Variants in MAP2K6 observed in about 807,000 individuals in gnomAD.
MAP2K6 encodes dual specificity mitogen-activated protein kinase kinase 6.
Under a neutral mutation model 53.7 loss-of-function variants are expected in MAP2K6, and 16 were observed. The observed-to-expected ratio is 0.30, with a 90% CI of 0.20 to 0.45. The LOEUF (loss-of-function observed/expected upper bound fraction) is 0.45, where lower values mean the gene tolerates loss of function less well. Among genes scored for constraint, MAP2K6 ranks in the 20% least tolerant of loss-of-function variants. The pLI is 1.00. For synonymous variants in MAP2K6, 132 were observed against 143.1 expected, an observed-to-expected ratio of 0.92 and a Z score of 0.55; for missense variants, 204 against 411.9, an observed-to-expected ratio of 0.50 and a Z score of 4.37.
intron 1 of MAP2K6, among the ~76,000 whole-genome samples, chr17:69,464,345 A>C (rs1907726210): frequency 6.6e-6 from 1 of 151,786 alleles, no homozygotes; most frequent in Non-Finnish European, 1.5e-5. Flanking sequence ...CCTTATAAAC[A>C]CTCACTACTT....
intron 9 of MAP2K6, among the ~76,000 whole-genome samples, chr17:69,526,304 C>T (rs924728107): frequency 6.6e-6 from 1 of 152,128 alleles, no homozygotes; most frequent in African/African-American, 2.4e-5. Flanking sequence ...TTATGAAGTG[C>T]CACAGTGGGT....
intron 9 of MAP2K6, among the ~76,000 whole-genome samples, chr17:69,525,237 A>G (rs931738839): frequency 6.6e-6 from 1 of 152,174 alleles, no homozygotes; most frequent in African/African-American, 2.4e-5. Context: ...TTACAGTCAC[A>G]TGGACTATCT....
At chr17:69,493,647 G>T (rs551695220) in intron 1 of MAP2K6, among the ~76,000 whole-genome samples, 19 of 152,224 alleles carry the variant, frequency 1.2e-4, no homozygotes, top group Non-Finnish European at 2.4e-4. Context: ...TATAGTCCCA[G>T]CTACTTGGGA....
intron 1 of MAP2K6, among the ~76,000 whole-genome samples, chr17:69,449,668 A>G (rs1436523332): frequency 1.6e-5 from 2 of 121,468 alleles, no homozygotes; most frequent in African/African-American, 6.6e-5. Context: ...GCTAGAGTGC[A>G]GTGGCGCGAT....
At chr17:69,481,780 CTTAG>C (rs1368752534) in intron 1 of MAP2K6, among the ~76,000 whole-genome samples, 1 of 152,128 alleles carries the variant, frequency 6.6e-6, no homozygotes, top group Non-Finnish European at 1.5e-5. Flanking sequence ...CATATCTTAA[CTTAG>C]TTACCTCTTT....
chr17:69,529,432 C>G (rs1052086329), intron 10 of MAP2K6, among the ~76,000 whole-genome samples: 1 of 151,876 alleles, frequency 6.6e-6, no homozygotes, highest in East Asian at 1.9e-4. Flanking sequence ...GGAATTTTCT[C>G]CGAAGAATCA....
chr17:69,423,156 T>C (rs917833894), intron 1 of MAP2K6, among the ~76,000 whole-genome samples: 1 of 152,192 alleles, frequency 6.6e-6, no homozygotes, highest in Non-Finnish European at 1.5e-5. Context: ...GTGCTGGGAT[T>C]ACAGGCGTGA....
intron 1 of MAP2K6, among the ~76,000 whole-genome samples, chr17:69,497,018 A>G (rs746237742): frequency 6.6e-6 from 1 of 152,188 alleles, no homozygotes; most frequent in Admixed American, 6.5e-5. Flanking sequence ...TACTACTACT[A>G]TGCTTCTGTT....
At chr17:69,522,615 A>C (rs1910536687) in intron 7 of MAP2K6, among the ~76,000 whole-genome samples, 1 of 152,196 alleles carries the variant, frequency 6.6e-6, no homozygotes, top group Admixed American at 6.5e-5. Flanking sequence ...GGGTGGGTTA[A>C]ATTTTTCTAG....
chr17:69,521,499 T>C lies in MAP2K6; in HGVS notation c.535+399T>C, dbSNP rs61758053. On this transcript the variant is annotated intron_variant, in intron 7 of 11. Coordinates refer to ENST00000590474, the MANE Select transcript of MAP2K6 (RefSeq NM_002758.4). ...GCATTTTAACAAGATTTCCGGGTGATTCTTGTGCACATGAAAGTGTGAAAA... is the reference window on the plus strand; with the variant it reads ...GCATTTTAACAAGATTTCCGGGTGACTCTTGTGCACATGAAAGTGTGAAAA... 1.7e-3 allele frequency: 274 copies of C among 163,464 alleles called. 3 individuals are homozygous for C. The highest frequency in any genetic ancestry group is 6.2e-3 in the African/African-American group (261 of 42,042). The allele number at this position is 163,464 out of a possible 1,614,324, so 10.1% of individuals were successfully genotyped here. A position where few individuals can be genotyped will look rare whatever the true frequency, so the allele number is the denominator to read the frequency against.
In MAP2K6 at chr17:69,546,707, T is replaced by A. The variant is rs1031403711; in HGVS notation, c.*4954T>A. 3.9e-5 allele frequency: 6 copies of A among 152,194 alleles called. No individual in the cohort carries two copies. Among genetic ancestry groups the A allele is most frequent in the African/African-American group, 1.4e-4 (6 of 41,446 alleles). The allele number at this position is 152,194 out of a possible 1,614,324, so 9.4% of individuals were successfully genotyped here. On this transcript the variant is annotated 3_prime_UTR_variant, in exon 12 of 12. Transcript: ENST00000590474. ...GAGCTGGTAGTCAGATCTAGTAAAA[T>A]GGATTAAATGTCAATTGTGCTGGGA... is the stretch of plus-strand genomic sequence containing the variant.
chr17:69,451,530 C>T (rs1011305627), intron 1 of MAP2K6, among the ~76,000 whole-genome samples: 1 of 152,168 alleles, frequency 6.6e-6, no homozygotes, highest in Non-Finnish European at 1.5e-5. Flanking sequence ...TCTTGCCCTT[C>T]AGGAAAGAGA....
chr17:69,540,875 T>C (rs1164305637), intron 11 of MAP2K6, among the ~76,000 whole-genome samples: 1 of 152,182 alleles, frequency 6.6e-6, no homozygotes, highest in Non-Finnish European at 1.5e-5. Context: ...CTAAACCAAT[T>C]CTCCAACGTC....
At chr17:69,510,042 G>T (rs1455967817) in intron 2 of MAP2K6, among the ~76,000 whole-genome samples, 1 of 151,942 alleles carries the variant, frequency 6.6e-6, no homozygotes, top group Non-Finnish European at 1.5e-5. Flanking sequence ...ACGGGGTTTT[G>T]CCATGTTGCC....
chr17:69,457,168 G>C (rs879565719), intron 1 of MAP2K6, among the ~76,000 whole-genome samples: 2 of 152,184 alleles, frequency 1.3e-5, no homozygotes, highest in Non-Finnish European at 2.9e-5. Flanking sequence ...GGTTTCTTCT[G>C]TTGAAGGATG....
At chr17:69,482,000 T>TA (rs745413815) in intron 1 of MAP2K6, among the ~76,000 whole-genome samples, 5 of 152,156 alleles carry the variant, frequency 3.3e-5, no homozygotes, top group Non-Finnish European at 7.4e-5. Context: ...GGCTGTGAGA[T>TA]TTAAATGCCC....
At chr17:69,415,628 T>C (rs1905874482) in intron 1 of MAP2K6, among the ~76,000 whole-genome samples, 3 of 152,186 alleles carry the variant, frequency 2.0e-5, no homozygotes. Flanking sequence ...TTACACCAAT[T>C]GCTTATTGGC....
intron 1 of MAP2K6, among the ~76,000 whole-genome samples, chr17:69,458,715 G>A (rs768470630): frequency 1.1e-4 from 16 of 152,078 alleles, no homozygotes; most frequent in African/African-American, 1.4e-4. Context: ...GTGTCTCCAC[G>A]TTTCAGGAAA....
chr17:69,477,451 A>G (rs570157535), intron 1 of MAP2K6: 1 of 152,316 alleles, frequency 6.6e-6, no homozygotes, highest in African/African-American at 2.4e-5. Flanking sequence ...GAGTCCAGAG[A>G]TAGAAGGCAT....
Sources: gnomAD v4.1 joint callset for allele counts (sites outside exome capture counted in the v4.1 genomes callset) on GRCh38, gnomAD v4.1.1 for gene constraint, MANE v1.5 for transcripts, NCBI Gene and HGNC (gene_info 2026-07-23, HGNC 2026-07-21) for gene names.